MSI2: variants seen among roughly 807,000 people sequenced by gnomAD.
MSI2 encodes RNA-binding protein Musashi homolog 2.
Under a neutral mutation model 45.6 loss-of-function variants are expected in MSI2, and 17 were observed. The observed-to-expected ratio is 0.37, with a 90% CI of 0.26 to 0.56. The LOEUF is 0.56. MSI2 is among the 20% of genes least tolerant of loss of function. The pLI, the probability that MSI2 is intolerant of heterozygous loss-of-function variation, is 0.77. For synonymous variants in MSI2, 156 were observed against 158.2 expected, an observed-to-expected ratio of 0.99 and a Z score of 0.11; for missense variants, 293 against 444.2, an observed-to-expected ratio of 0.66 and a Z score of 3.06.
intron 6 of MSI2, among the ~76,000 whole-genome samples, chr17:57,499,635 G>A (rs1033529180): frequency 2.0e-5 from 3 of 152,126 alleles, no homozygotes; most frequent in African/African-American, 7.2e-5. Flanking sequence ...AACAGCAATC[G>A]TTATATTATT....
chr17:57,401,361 T>G lies in MSI2; in HGVS notation c.313-18T>G. The G allele has an allele frequency of 6.2e-7, 1 of 1,609,006 alleles. No individual in the cohort carries two copies. The highest frequency in any genetic ancestry group is 2.2e-5 in the East Asian group (1 of 44,872). ...ATAACCTGGTTAACCCATGCCTTTC[T>G]CTTGTCATTTCTTGCAGATGGTCAC... On this transcript the variant is annotated intron_variant, in intron 5 of 13. Transcript: ENST00000284073.
intron 5 of MSI2, among the ~76,000 whole-genome samples, chr17:57,345,215 C>A (rs1250753323): frequency 6.6e-6 from 1 of 152,220 alleles, no homozygotes; most frequent in Non-Finnish European, 1.5e-5. Context: ...CTCCCTCCCA[C>A]CTGCACTGTG....
At chr17:57,513,652 T>A (rs1435283351) in intron 6 of MSI2, among the ~76,000 whole-genome samples, 4 of 152,232 alleles carry the variant, frequency 2.6e-5, no homozygotes, top group Non-Finnish European at 4.4e-5. Context: ...TTGACAGCAG[T>A]TAGGGCGGAG....
At chr17:57,313,351 C>T (rs1006446197) in intron 5 of MSI2, among the ~76,000 whole-genome samples, 1 of 152,230 alleles carries the variant, frequency 6.6e-6, no homozygotes, top group Non-Finnish European at 1.5e-5. Context: ...TCTGCTTTCA[C>T]TCCCTGCCCA....
rs201709634 is a variant in MSI2 at position 57,615,952 on chromosome 17, C to T, written c.538-18C>T. 78 of 1,576,278 alleles carry T rather than the reference C, an allele frequency of 4.9e-5. No homozygotes were observed. Among genetic ancestry groups the T allele is most frequent in the African/African-American group, 1.5e-4 (11 of 74,194 alleles). ...GGAATTCATTTGCATCTCATTTGTT[C>T]GCCTTTCTGTTTAACAGGTAGAATG... On this transcript the variant is annotated intron_variant, in intron 8 of 13. Transcript: ENST00000284073.
intron 8 of MSI2, among the ~76,000 whole-genome samples, chr17:57,607,557 A>G (rs1906751806): frequency 6.6e-6 from 1 of 152,196 alleles, no homozygotes; most frequent in Non-Finnish European, 1.5e-5. Context: ...ACAGTGCCTG[A>G]TTATGATGTC....
At position 57,683,049 on chromosome 17, in the gene MSI2, G is replaced by A. The variant is rs900996015; in HGVS notation, c.*3532G>A. 12 of 229,392 alleles carry A rather than the reference G, an allele frequency of 5.2e-5. 1 individual carries two copies. In the South Asian group the frequency reaches 1.3e-3, roughly 24 times the overall value. 14.2% of individuals were successfully genotyped at this position (229,392 alleles called of 1,614,324 possible). ...AACAGCCTCGCGCTCTATCCCAGTC[G>A]CCCATTAGCTTGATTCAAACAAAGC... On this transcript the variant is annotated 3_prime_UTR_variant, in exon 14 of 14. Transcript: ENST00000284073. This position sits in a 1 kb window ranked among gnomAD's most constrained non-coding sequence, Gnocchi z 5.2.
intron 9 of MSI2, among the ~76,000 whole-genome samples, chr17:57,618,650 T>C (rs1907973777): frequency 6.6e-6 from 1 of 151,702 alleles, no homozygotes; most frequent in African/African-American, 2.4e-5. Flanking sequence ...TTCAAGCAAT[T>C]CTCCTGCCTC....
At chr17:57,604,351 TAAAG>T (rs1906284229) in intron 8 of MSI2, among the ~76,000 whole-genome samples, 1 of 152,156 alleles carries the variant, frequency 6.6e-6, no homozygotes, top group Non-Finnish European at 1.5e-5. Flanking sequence ...ACTGAGCAAA[TAAAG>T]AGTTAGCAGG....
At chr17:57,330,659 C>T (rs1370077714) in intron 5 of MSI2, among the ~76,000 whole-genome samples, 1 of 152,168 alleles carries the variant, frequency 6.6e-6, no homozygotes, top group Non-Finnish European at 1.5e-5. Flanking sequence ...AGGCGTTCCG[C>T]ATCCATAGAC....
intron 7 of MSI2, among the ~76,000 whole-genome samples, chr17:57,538,873 A>G (rs1159032080): frequency 6.6e-6 from 1 of 152,214 alleles, no homozygotes; most frequent in African/African-American, 2.4e-5. Flanking sequence ...TCTGGGACTT[A>G]ATAGCTGTGT....
intron 11 of MSI2, among the ~76,000 whole-genome samples, chr17:57,661,249 T>C (rs987201840): frequency 1.3e-5 from 2 of 152,076 alleles, no homozygotes; most frequent in African/African-American, 4.8e-5. Context: ...ACACAACCGA[T>C]GTGAGAGCTA....
In MSI2 at chr17:57,612,210, A is replaced by G. The variant is rs1347359643; in HGVS notation, c.538-3760A>G. 2.1e-5 allele frequency among the ~76,000 whole-genome samples: 2 copies of G among 95,214 alleles called. 1 individual carries two copies. Among genetic ancestry groups the G allele is most frequent in the Non-Finnish European group, 5.0e-5 (2 of 39,720 alleles). The allele number at this position is 95,214 out of a possible 152,430, so 62.5% of individuals were successfully genotyped here. A position where few individuals can be genotyped will look rare whatever the true frequency, so the allele number is the denominator to read the frequency against. Reference sequence around the variant, plus strand: ...GGCAGGTTGATGTGTGAGTACTTGCATTCATCTTAGGAGAACAAGACAGTC... The same window carrying G: ...GGCAGGTTGATGTGTGAGTACTTGCGTTCATCTTAGGAGAACAAGACAGTC... On this transcript the variant is annotated intron_variant, in intron 8 of 13. Coordinates refer to ENST00000284073, the MANE Select transcript of MSI2 (RefSeq NM_138962.4).
intron 7 of MSI2, among the ~76,000 whole-genome samples, chr17:57,538,494 T>A (rs2086970333): frequency 6.6e-6 from 1 of 152,132 alleles, no homozygotes; most frequent in Admixed American, 6.5e-5. Context: ...TACAAGATGT[T>A]TTACTCCCTT....
intron 11 of MSI2, among the ~76,000 whole-genome samples, chr17:57,658,417 T>C (rs2144704156): frequency 1.3e-5 from 2 of 152,346 alleles, no homozygotes; most frequent in South Asian, 2.1e-4. Context: ...AAAATGTTCA[T>C]TTCTGGGAGA....
rs1302784851 is a variant in MSI2, at chr17:57,256,584, G to C, written c.-159G>C. The C allele has an allele frequency of 3.6e-5, 14 of 391,336 alleles. No homozygotes were observed. The South Asian group carries it at 4.4e-4, about 12-fold the overall frequency. 24.2% of individuals were successfully genotyped at this position (391,336 alleles called of 1,614,324 possible). ...GTGTGACGGCTCTCGCCGCTGCCCCGGCTCCGCCGCTCGCAGAGAGATTCG... is the reference window on the plus strand; with the variant it reads ...GTGTGACGGCTCTCGCCGCTGCCCCCGCTCCGCCGCTCGCAGAGAGATTCG... On this transcript the variant is annotated 5_prime_UTR_variant, in exon 1 of 14. Transcript: ENST00000284073.
At chr17:57,615,889 G>A in intron 8 of MSI2, 81 bp from the exon 9 acceptor site, 1 of 1,087,332 alleles carries the variant, frequency 9.2e-7, no homozygotes. Context: ...AAATAACTTA[G>A]CTCATAACCA....
chr17:57,552,192 G>A lies in MSI2; in HGVS notation c.454+22468G>A, dbSNP rs368895097. Among the ~76,000 whole-genome samples, 12 of 152,196 alleles carry A rather than the reference G, an allele frequency of 7.9e-5. 1 individual carries two copies. The highest frequency in any genetic ancestry group is 1.2e-4 in the African/African-American group (5 of 41,458). ...CACTAGACCCTCAGGCCATCTGGTC[G>A]TGAGGTTTTTACTGCTAACGGGACA... is the stretch of plus-strand genomic sequence containing the variant. On this transcript the variant is annotated intron_variant, in intron 7 of 13. Transcript: ENST00000284073. The surrounding 1 kb of genome is among the most constrained non-coding windows in gnomAD (Gnocchi z 4.3).
intron 11 of MSI2, among the ~76,000 whole-genome samples, chr17:57,655,382 G>A (rs1911519661): frequency 6.6e-6 from 1 of 152,108 alleles, no homozygotes; most frequent in African/African-American, 2.4e-5. Context: ...AGCCTCCCCC[G>A]ACAGGTGAGG....
Sources: allele counts gnomAD v4.1 joint callset (sites outside exome capture counted in the v4.1 genomes callset), GRCh38; gene constraint gnomAD v4.1.1; non-coding constraint Gnocchi (gnomAD v3.1); transcripts MANE v1.5; gene names NCBI Gene and HGNC (gene_info 2026-07-23, HGNC 2026-07-21).